Variants in STX2 observed in about 807,000 individuals in gnomAD.
The protein encoded by STX2 is syntaxin-2.
Under a neutral mutation model 40.6 loss-of-function variants are expected in STX2, and 27 were observed. The ratio of observed to expected loss-of-function variants is 0.66; its 90% CI spans 0.49 to 0.92. The LOEUF is 0.92. STX2 is among the 40% of genes least tolerant of loss of function. The probability of loss-of-function intolerance (pLI) is 0.00; values close to 1 mark genes in which losing one functional copy is unlikely to be tolerated. For synonymous variants in STX2, 123 were observed against 119.1 expected, an observed-to-expected ratio of 1.03 and a Z score of -0.22; for missense variants, 328 against 366.1, an observed-to-expected ratio of 0.90 and a Z score of 0.85.
chr12:130,810,022 A>AAACAAC, intron 4 of STX2, among the ~76,000 whole-genome samples: 1 of 152,218 alleles, frequency 6.6e-6, no homozygotes, highest in Middle Eastern at 3.4e-3. Context: ...ACCCCAGGTC[A>AAACAAC]AACAACAACA....
At chr12:130,818,865 C>A (rs1007664006) in intron 3 of STX2, among the ~76,000 whole-genome samples, 2 of 152,326 alleles carry the variant, frequency 1.3e-5, no homozygotes, top group Admixed American at 6.5e-5. Flanking sequence ...CAGGGGGAAT[C>A]CCAGCCTCGT....
Position 130,818,170 on chromosome 12 carries a change from C to CAAAAA in STX2, c.205+3514_205+3518dup, listed in dbSNP as rs756794046. Among the ~76,000 whole-genome samples the CAAAAA allele has an allele frequency of 6.4e-4, 32 of 49,848 alleles. 4 individuals carry two copies. Among genetic ancestry groups the CAAAAA allele is most frequent in the African/African-American group, 4.2e-3 (27 of 6,388 alleles). 32.7% of individuals were successfully genotyped at this position (49,848 alleles called of 152,430 possible). ...AACACAGTGAGAAACGCTGTTTCTA[C>CAAAAA]AAAAAAAAAAAAAAAATATATATAT... On this transcript the variant is annotated intron_variant, in intron 3 of 10. Coordinates refer to ENST00000392373, the MANE Select transcript of STX2 (RefSeq NM_194356.4).
chr12:130,795,903 T>G lies in STX2; in HGVS notation c.*45+92A>C, dbSNP rs187383683. ...TATCTGTACTGCGTGGCTGGCAAGCTTTTATTAGTTTTATGTCTATTACAA... is the reference window on the plus strand; with the variant it reads ...TATCTGTACTGCGTGGCTGGCAAGCGTTTATTAGTTTTATGTCTATTACAA... On this transcript the variant is annotated intron_variant, in intron 10 of 10. Coordinates refer to ENST00000392373, the MANE Select transcript of STX2 (RefSeq NM_194356.4). 82 of 1,437,400 alleles carry G rather than the reference T, an allele frequency of 5.7e-5. No individual in the cohort carries two copies. The African/African-American group carries it at 9.7e-4, about 17-fold the overall frequency. The allele number at this position is 1,437,400 out of a possible 1,614,324, so 89.0% of individuals were successfully genotyped here. A position where few individuals can be genotyped will look rare whatever the true frequency, so the allele number is the denominator to read the frequency against.
chr12:130,835,268 G>A (rs184873049), intron 1 of STX2, among the ~76,000 whole-genome samples: 55 of 152,132 alleles, frequency 3.6e-4, no homozygotes, highest in African/African-American at 1.2e-3. Context: ...CAGCCTGGGC[G>A]ACACAGTGAG....
intron 1 of STX2, among the ~76,000 whole-genome samples, chr12:130,831,623 C>CT (rs1430690576): frequency 1.3e-5 from 2 of 152,102 alleles, no homozygotes; most frequent in African/African-American, 4.8e-5. Flanking sequence ...TAGAGAGGGA[C>CT]TTTGTCTCAA....
At chr12:130,803,684 AAAAAAC>A (rs1245976862) in intron 6 of STX2, among the ~76,000 whole-genome samples, 13 of 126,760 alleles carry the variant, frequency 1.0e-4, no homozygotes, top group African/African-American at 2.4e-4. Flanking sequence ...AAAAAAAAAA[AAAAAAC>A]AAACTAAAAG....
chr12:130,814,484 A>C (rs1402309464), intron 3 of STX2, among the ~76,000 whole-genome samples: 1 of 151,942 alleles, frequency 6.6e-6, no homozygotes, highest in Non-Finnish European at 1.5e-5. Context: ...GGCTGTAGTG[A>C]CTGGCGTGGG....
intron 1 of STX2, among the ~76,000 whole-genome samples, chr12:130,830,638 T>C (rs947417854): frequency 6.6e-6 from 1 of 152,202 alleles, no homozygotes; most frequent in African/African-American, 2.4e-5. Flanking sequence ...ACTGATTAGA[T>C]AACAGGAAAC....
intron 1 of STX2, among the ~76,000 whole-genome samples, chr12:130,831,788 C>A (rs775005194): frequency 5.9e-5 from 9 of 151,520 alleles, no homozygotes; most frequent in Non-Finnish European, 1.3e-4. Context: ...TTTTTACTAA[C>A]ACTTGTTTCC....
At chr12:130,818,587 G>C (rs7299281) in intron 3 of STX2, among the ~76,000 whole-genome samples, 61 of 152,114 alleles carry the variant, frequency 4.0e-4, no homozygotes, top group African/African-American at 1.4e-3. Flanking sequence ...TCCGCACAAG[G>C]AGCCGGGTCT....
Position 130,827,232 on chromosome 12 carries a change from CACA to C in STX2, c.63_65del (p.Val23del), listed in dbSNP as rs376443034. On this transcript the variant is annotated inframe_deletion, in exon 2 of 11. Transcript: ENST00000392373. ...CATCCATGAAATGATCTTTCTCAAC[CACA>C]ACAACTGTGTCTCCATCATCATTCT... 1.6e-5 allele frequency: 26 copies of C among 1,613,788 alleles called. No homozygotes were observed. In the South Asian group the frequency reaches 2.6e-4, roughly 16 times the overall value.
At chr12:130,836,924 G>C (rs1157798117) in intron 1 of STX2, among the ~76,000 whole-genome samples, 1 of 152,166 alleles carries the variant, frequency 6.6e-6, no homozygotes, top group Non-Finnish European at 1.5e-5. Flanking sequence ...GAACAAAACT[G>C]ATTGACATGT....
chr12:130,791,734 T>G lies in STX2; in HGVS notation c.*289A>C. ...CCCACTGTGCTTACGGCGCTGTCAC[T>G]GAACAAGACGTTCGGTTGTGCTTCT... is the stretch of plus-strand genomic sequence containing the variant. On this transcript the variant is annotated 3_prime_UTR_variant, in exon 11 of 11. Coordinates refer to ENST00000392373, the MANE Select transcript of STX2 (RefSeq NM_194356.4). 1 of 612,008 alleles carries G rather than the reference T, an allele frequency of 1.6e-6. No individual in the cohort carries two copies. Among genetic ancestry groups the G allele is most frequent in the Non-Finnish European group, 2.9e-6 (1 of 347,512 alleles). 37.9% of individuals were successfully genotyped at this position (612,008 alleles called of 1,614,324 possible).
At chr12:130,807,337 G>A (rs185967624) in intron 5 of STX2, among the ~76,000 whole-genome samples, 32 of 152,328 alleles carry the variant, frequency 2.1e-4, no homozygotes, top group African/African-American at 7.2e-4. Context: ...TGACTTTGAG[G>A]TCATTAGCCC....
intron 8 of STX2, among the ~76,000 whole-genome samples, chr12:130,800,066 T>C (rs1951167623): frequency 6.6e-6 from 1 of 152,032 alleles, no homozygotes; most frequent in Admixed American, 6.6e-5. Context: ...AGGAAACCAT[T>C]TACTTAGGAT....
chr12:130,795,889 C>A (rs577416125), intron 10 of STX2, 106 bp downstream of exon 10: 2 of 1,366,302 alleles, frequency 1.5e-6, no homozygotes, highest in Non-Finnish European at 1.9e-6. Flanking sequence ...ATCTGTACTG[C>A]GTGGCTGGCA....
chr12:130,801,071 C>T (rs1213298961), intron 8 of STX2, 82 bp downstream of exon 8: 1 of 1,444,698 alleles, frequency 6.9e-7, no homozygotes, highest in Admixed American at 2.2e-5. Flanking sequence ...TTCCTAGATA[C>T]ATCCACTAGA....
Position 130,809,362 on chromosome 12 carries a change from T to G in STX2, c.281-658A>C, listed in dbSNP as rs756054281. 1.1e-4 allele frequency among the ~76,000 whole-genome samples: 16 copies of G among 152,146 alleles called. 1 individual carries two copies. Among genetic ancestry groups the G allele is most frequent in the Non-Finnish European group, 2.1e-4 (14 of 68,004 alleles). On this transcript the variant is annotated intron_variant, in intron 4 of 10. Coordinates refer to ENST00000392373, the MANE Select transcript of STX2 (RefSeq NM_194356.4). ...AGGGAAAGGAGAAACAAGGGGACGA[T>G]GAAGAAAGAAGCTAGACTCCGAATA...
intron 1 of STX2, 97 bp downstream of exon 1, chr12:130,838,973 C>G (rs1565944651): frequency 8.9e-7 from 1 of 1,118,392 alleles, no homozygotes; most frequent in East Asian, 3.4e-5. Context: ...GCCCTGGGGA[C>G]CCTCCCGGAG....
Sources: allele counts gnomAD v4.1 joint callset (sites outside exome capture counted in the v4.1 genomes callset), GRCh38; gene constraint gnomAD v4.1.1; transcripts MANE v1.5; gene names NCBI Gene and HGNC (gene_info 2026-07-23, HGNC 2026-07-21).